Variants in NCKAP5 observed in about 807,000 individuals in gnomAD.
NCKAP5 encodes NCK associated protein 5.
In NCKAP5, 92 loss-of-function variants were observed where a neutral mutation model predicts 167.0. The observed-to-expected ratio is 0.55, with a 90% CI of 0.47 to 0.66. NCKAP5 has a LOEUF of 0.66. Ranked by LOEUF, NCKAP5 falls within the 30% of genes least tolerant of loss-of-function variation. The pLI is 0.00. For missense variants in NCKAP5, 2,378 were observed against 2,315.0 expected (o/e 1.03, Z -0.56); for synonymous variants, 891 against 877.4 (o/e 1.02, Z -0.27).
rs149189994 is a variant in NCKAP5 at position 132,763,565 on chromosome 2, C to T, written c.5128+10251G>A. On this transcript the variant is annotated intron_variant, in intron 16 of 19. Coordinates refer to ENST00000409261, the MANE Select transcript of NCKAP5 (RefSeq NM_207363.3). Reference sequence around the variant, plus strand: ...TTAATATGGGGTGTGATTTTGGTATCAGTATTTTTAGAGGCTTCCCAGGTG... The same window carrying T: ...TTAATATGGGGTGTGATTTTGGTATTAGTATTTTTAGAGGCTTCCCAGGTG... 3.4e-3 allele frequency among the ~76,000 whole-genome samples: 516 copies of T among 152,280 alleles called. 4 individuals carry two copies. The highest frequency in any genetic ancestry group is 0.011 in the African/African-American group (475 of 41,560).
chr2:133,487,407 A>T (rs1002438029), intron 3 of NCKAP5, among the ~76,000 whole-genome samples: 4 of 152,138 alleles, frequency 2.6e-5, no homozygotes, highest in Non-Finnish European at 5.9e-5. Context: ...GAGCTGTAAA[A>T]GTCAAGAATG....
At chr2:133,668,095 G>T in the NCKAP5 span, among the ~76,000 whole-genome samples, 1 of 151,930 alleles carries the variant, frequency 6.6e-6, no homozygotes, top group Non-Finnish European at 1.5e-5. Flanking sequence ...CATTCATGTG[G>T]TATATAAATC....
chr2:133,067,160 C>T lies in NCKAP5; in HGVS notation c.341+62818G>A, dbSNP rs535381103. On this transcript the variant is annotated intron_variant, in intron 6 of 19. Transcript: ENST00000409261. The stretch of plus-strand genomic sequence containing the variant: ...GATTACAGGCATGAGCCACCGTGCC[C>T]GGCCCTGAGTGCCATTTTTATAGGT... Among the ~76,000 whole-genome samples the T allele has an allele frequency of 9.2e-5, 14 of 152,206 alleles. No individual in the cohort carries two copies. The South Asian group carries it at 1.7e-3, about 18-fold the overall frequency.
At chr2:133,119,842 T>C (rs546929633) in intron 6 of NCKAP5, among the ~76,000 whole-genome samples, 1 of 151,606 alleles carries the variant, frequency 6.6e-6, no homozygotes, top group South Asian at 2.1e-4. Context: ...TTCAATATAA[T>C]ATTTATTATT....
At chr2:133,035,461 T>C (rs941006558) in intron 6 of NCKAP5, among the ~76,000 whole-genome samples, 1 of 152,056 alleles carries the variant, frequency 6.6e-6, no homozygotes, top group Non-Finnish European at 1.5e-5. Flanking sequence ...GAATACACAT[T>C]GTTTTCCTTG....
chr2:133,151,146 T>C (rs1247196136), intron 5 of NCKAP5, among the ~76,000 whole-genome samples: 2 of 152,184 alleles, frequency 1.3e-5, no homozygotes, highest in Non-Finnish European at 1.5e-5. Flanking sequence ...AGTTAACCAA[T>C]ATGTACGCTT....
chr2:133,428,713 C>G (rs1689964173), intron 3 of NCKAP5, among the ~76,000 whole-genome samples: 1 of 151,988 alleles, frequency 6.6e-6, no homozygotes, highest in African/African-American at 2.4e-5. Context: ...GAAACAGACT[C>G]CGGTAGAAAA....
intron 2 of NCKAP5, among the ~76,000 whole-genome samples, chr2:133,545,348 C>T (rs1391802985): frequency 8.5e-5 from 13 of 152,118 alleles, no homozygotes; most frequent in African/African-American, 7.2e-5. Flanking sequence ...ACCTAGCTAG[C>T]GGAAGCTGGC....
At chr2:132,677,572 A>G (rs990627364) in intron 19 of NCKAP5, among the ~76,000 whole-genome samples, 5 of 152,062 alleles carry the variant, frequency 3.3e-5, no homozygotes, top group African/African-American at 9.7e-5. Context: ...GGATTGAAAT[A>G]CACAGTAAGG....
At chr2:132,771,923 C>A (rs953586578) in intron 16 of NCKAP5, among the ~76,000 whole-genome samples, 6 of 148,826 alleles carry the variant, frequency 4.0e-5, no homozygotes, top group Admixed American at 2.7e-4. Flanking sequence ...AATCTCCTGA[C>A]CTCGTGATCC....
intron 4 of NCKAP5, among the ~76,000 whole-genome samples, chr2:133,287,940 A>T (rs1278643006): frequency 2.0e-5 from 3 of 152,234 alleles, no homozygotes; most frequent in Non-Finnish European, 4.4e-5. Flanking sequence ...GTACCATAAC[A>T]TTTCTATTAC....
At chr2:133,334,999 A>G (rs1410541203) in intron 3 of NCKAP5, among the ~76,000 whole-genome samples, 1 of 152,198 alleles carries the variant, frequency 6.6e-6, no homozygotes, top group African/African-American at 2.4e-5. Context: ...TATAATAATG[A>G]CACACATTTG....
intron 7 of NCKAP5, among the ~76,000 whole-genome samples, chr2:132,992,963 A>C (rs1222578823): frequency 6.6e-6 from 1 of 152,158 alleles, no homozygotes; most frequent in Non-Finnish European, 1.5e-5. Flanking sequence ...CTCGCCTCTT[A>C]AGGTTAACTG....
chr2:133,233,267 C>A (rs1217029498), intron 4 of NCKAP5, among the ~76,000 whole-genome samples: 3 of 152,192 alleles, frequency 2.0e-5, no homozygotes, highest in African/African-American at 7.2e-5. Flanking sequence ...CACACACTCA[C>A]AGATATGGTC....
intron 4 of NCKAP5, among the ~76,000 whole-genome samples, chr2:133,291,163 A>G (rs948095618): frequency 3.3e-5 from 5 of 152,194 alleles, no homozygotes; most frequent in African/African-American, 4.8e-5. Flanking sequence ...AGATGGGTGA[A>G]ACTTTATGTT....
intron 10 of NCKAP5, among the ~76,000 whole-genome samples, chr2:132,862,100 G>A (rs1317609948): frequency 2.0e-5 from 3 of 152,160 alleles, no homozygotes; most frequent in Admixed American, 2.0e-4. Context: ...TGGGCTTAAG[G>A]CTCTGCAAGC....
At position 132,781,978 on chromosome 2, in the gene NCKAP5, A is replaced by C; in HGVS notation, c.4833T>G (p.Cys1611Trp). ...EPRNRHSPVA[C>W]STKDTFMTEL... ...CCGTCATGAAGGTGTCTTTCGTTGA[A>C]CATGCAACAGGGCTGTGTCTATTCC... Residue 1611 changes from cysteine to tryptophan, a missense_variant, in exon 14 of 20, where the codon TGT (cysteine) becomes TGG (tryptophan). Cys to Trp is a radical substitution (Grantham distance 215). Around this residue, in one of 3 missense-constraint regions of NCKAP5, gnomAD observed 1,325 missense variants for 1,274.5 expected, o/e 1.04. Transcript: ENST00000409261. The C allele has an allele frequency of 1.2e-6, 2 of 1,613,512 alleles. No homozygotes were observed. Among genetic ancestry groups the C allele is most frequent in the Non-Finnish European group, 1.7e-6 (2 of 1,179,652 alleles).
At chr2:133,276,021 G>C in intron 4 of NCKAP5, among the ~76,000 whole-genome samples, 1 of 151,844 alleles carries the variant, frequency 6.6e-6, no homozygotes. Context: ...ACCCCTGAGA[G>C]AGCAAGACCA....
At chr2:133,010,075 A>AT (rs1206918287) in intron 6 of NCKAP5, among the ~76,000 whole-genome samples, 57 of 127,498 alleles carry the variant, frequency 4.5e-4, no homozygotes, top group South Asian at 1.0e-3. Context: ...TGTCTCAAAA[A>AT]AAAAAAATAA....
Sources: gnomAD v4.1 joint callset for allele counts (sites outside exome capture counted in the v4.1 genomes callset) on GRCh38, gnomAD v4.1.1 for gene constraint, gnomAD v4.1.1 regional missense constraint, MANE v1.5 for transcripts, NCBI Gene and HGNC (gene_info 2026-07-23, HGNC 2026-07-21) for gene names.